The following LMBR1 variants were observed in gnomAD, a reference collection of about 807,000 sequenced individuals.
LMBR1 encodes the protein limb development membrane protein 1, also known as limb region 1 protein homolog.
A neutral mutation model predicts 73.9 loss-of-function variants in LMBR1; 52 were observed. That is an observed-to-expected ratio of 0.70 (90% CI 0.56 to 0.89). The LOEUF (loss-of-function observed/expected upper bound fraction) is 0.89. LMBR1 is among the 40% of genes least tolerant of loss of function. The pLI, the probability that LMBR1 is intolerant of heterozygous loss-of-function variation, is 0.00. For missense variants in LMBR1, 539 were observed against 579.8 expected, an observed-to-expected ratio of 0.93 and a Z score of 0.72; for synonymous variants, 215 against 209.4, an observed-to-expected ratio of 1.03 and a Z score of -0.23.
intron 15 of LMBR1, among the ~76,000 whole-genome samples, chr7:156,697,888 A>C (rs923639256): frequency 3.9e-5 from 6 of 152,260 alleles, no homozygotes; most frequent in African/African-American, 7.2e-5. Context: ...GACAGGCATA[A>C]AAAATTATAA....
intron 1 of LMBR1, among the ~76,000 whole-genome samples, chr7:156,866,672 C>T (rs1798508859): frequency 8.4e-6 from 1 of 118,852 alleles, no homozygotes; most frequent in Non-Finnish European, 1.8e-5. Flanking sequence ...GTGGCGCAAA[C>T]TTGGCTCACT....
chr7:156,873,893 A>G (rs959470373), intron 1 of LMBR1, among the ~76,000 whole-genome samples: 2 of 152,232 alleles, frequency 1.3e-5, no homozygotes, highest in Non-Finnish European at 2.9e-5. Context: ...TGAGCTAGAC[A>G]TAAAGACTCT....
intron 10 of LMBR1, among the ~76,000 whole-genome samples, chr7:156,730,329 T>C (rs1816608613): frequency 6.6e-6 from 1 of 152,224 alleles, no homozygotes; most frequent in Non-Finnish European, 1.5e-5. Context: ...GGCTCATGTT[T>C]CTTGAGAGGT....
At chr7:156,891,218 ATATATATATAT>A (rs1802892848) in intron 1 of LMBR1, among the ~76,000 whole-genome samples, 1 of 60,984 alleles carries the variant, frequency 1.6e-5, no homozygotes, top group Non-Finnish European at 3.4e-5. Context: ...AAAAATATAT[ATATATATATAT>A]ATATACACAC....
At chr7:156,814,858 T>A (rs1176682614) in intron 4 of LMBR1, among the ~76,000 whole-genome samples, 4 of 152,094 alleles carry the variant, frequency 2.6e-5, no homozygotes, top group Non-Finnish European at 5.9e-5. Flanking sequence ...TGTCTCAACA[T>A]CATAAAAATG....
intron 5 of LMBR1, among the ~76,000 whole-genome samples, chr7:156,772,921 ATC>A (rs1475213364): frequency 6.6e-6 from 1 of 152,058 alleles, no homozygotes; most frequent in African/African-American, 2.4e-5. Context: ...AAGTCAAATT[ATC>A]TCTGTTTGCA....
intron 5 of LMBR1, among the ~76,000 whole-genome samples, chr7:156,793,336 C>T (rs1829552245): frequency 6.6e-6 from 1 of 152,154 alleles, no homozygotes; most frequent in South Asian, 2.1e-4. Flanking sequence ...ATATTAGTAA[C>T]CTTTCCAACT....
At chr7:156,891,456 T>C (rs1306995695) in intron 1 of LMBR1, among the ~76,000 whole-genome samples, 1 of 148,762 alleles carries the variant, frequency 6.7e-6, no homozygotes, top group Non-Finnish European at 1.5e-5. Flanking sequence ...CACAGAAGAG[T>C]ATATACGGTA....
In LMBR1 at chr7:156,788,517, C is replaced by G. The variant is rs553641659; in HGVS notation, c.423+7872G>C. The stretch of plus-strand genomic sequence containing the variant: ...AACCACGCCTATGGCTTGTCCAGTT[C>G]AGCTGAGTCAAGCACTGAAATCATG... On this transcript the variant is annotated intron_variant, in intron 5 of 16. Coordinates refer to ENST00000353442, the MANE Select transcript of LMBR1 (RefSeq NM_022458.4). Among the ~76,000 whole-genome samples the G allele has an allele frequency of 9.3e-4, 141 of 151,684 alleles. 1 individual carries two copies. The highest frequency in any genetic ancestry group is 3.1e-3 in the African/African-American group (129 of 41,134).
intron 8 of LMBR1, among the ~76,000 whole-genome samples, chr7:156,758,790 C>A (rs906523850): frequency 2.0e-5 from 3 of 152,174 alleles, no homozygotes; most frequent in Non-Finnish European, 2.9e-5. Context: ...AATTACTCAG[C>A]CTCAGGTTTA....
chr7:156,737,882 T>G (rs1818179954), intron 9 of LMBR1, among the ~76,000 whole-genome samples: 1 of 152,172 alleles, frequency 6.6e-6, no homozygotes, highest in African/African-American at 2.4e-5. Flanking sequence ...CTTAGTTGTC[T>G]GCTCATATTT....
At chr7:156,825,810 C>T (rs1179093483) in intron 4 of LMBR1, among the ~76,000 whole-genome samples, 10 of 152,144 alleles carry the variant, frequency 6.6e-5, no homozygotes, top group Non-Finnish European at 1.2e-4. Context: ...TTTATCATCC[C>T]AACTAAGACA....
chr7:156,874,925 A>G (rs1297978678), intron 1 of LMBR1, among the ~76,000 whole-genome samples: 1 of 152,254 alleles, frequency 6.6e-6, no homozygotes, highest in African/African-American at 2.4e-5. Flanking sequence ...CTGGCTAACC[A>G]GCAATGGATC....
intron 4 of LMBR1, among the ~76,000 whole-genome samples, chr7:156,672,289 T>C (rs1344174327): frequency 1.3e-5 from 2 of 152,084 alleles, no homozygotes; most frequent in Admixed American, 6.6e-5. Context: ...AAAGGCAGGG[T>C]GTGACGACGA....
intron 15 of LMBR1, among the ~76,000 whole-genome samples, chr7:156,697,965 C>G (rs867638598): frequency 1.3e-5 from 2 of 152,174 alleles, no homozygotes; most frequent in East Asian, 3.8e-4. Context: ...TGTTCCTCTG[C>G]GGCAGCTCCA....
intron 12 of LMBR1, among the ~76,000 whole-genome samples, chr7:156,726,384 G>A (rs1426016685): frequency 2.0e-5 from 3 of 151,534 alleles, no homozygotes; most frequent in Non-Finnish European, 4.4e-5. Flanking sequence ...TGTTAACATA[G>A]ATTTTTAAAA....
intron 15 of LMBR1, among the ~76,000 whole-genome samples, chr7:156,714,649 G>T (rs1387199382): frequency 6.6e-6 from 1 of 152,068 alleles, no homozygotes; most frequent in Admixed American, 6.6e-5. Context: ...CACTGTGCAT[G>T]TGTGTGTGTG....
intron 15 of LMBR1, among the ~76,000 whole-genome samples, chr7:156,702,696 T>C (rs1260359245): frequency 6.6e-6 from 1 of 152,182 alleles, no homozygotes. Context: ...GCAGAGAAGG[T>C]TTTTTAAAAA....
At chr7:156,859,866 G>A (rs1797488168) in intron 1 of LMBR1, among the ~76,000 whole-genome samples, 1 of 152,130 alleles carries the variant, frequency 6.6e-6, no homozygotes, top group African/African-American at 2.4e-5. Flanking sequence ...AAACAAATTG[G>A]AGGACTGACA....
Sources: gnomAD v4.1 joint callset for allele counts (sites outside exome capture counted in the v4.1 genomes callset) on GRCh38, gnomAD v4.1.1 for gene constraint, MANE v1.5 for transcripts, NCBI Gene and HGNC (gene_info 2026-07-23, HGNC 2026-07-21) for gene names.